The following NCF4 variants were observed in gnomAD, a reference collection of about 807,000 sequenced individuals.
NCF4 encodes the protein neutrophil cytosol factor 4.
NCF4 carries 30 observed loss-of-function variants against 41.7 expected under a neutral mutation model. The observed-to-expected ratio is 0.72, with a 90% CI of 0.54 to 0.97. The LOEUF (loss-of-function observed/expected upper bound fraction) is 0.97. NCF4 is among the 50% of genes least tolerant of loss of function. The probability of loss-of-function intolerance (pLI) is 0.00; values close to 1 mark genes in which losing one functional copy is unlikely to be tolerated. For synonymous variants in NCF4, 195 were observed against 175.8 expected, an observed-to-expected ratio of 1.11 and a Z score of -0.87; for missense variants, 432 against 460.9, an observed-to-expected ratio of 0.94 and a Z score of 0.57.
chr22:36,863,459 C>T (rs1458796148), intron 1 of NCF4, among the ~76,000 whole-genome samples: 1 of 150,478 alleles, frequency 6.6e-6, no homozygotes, highest in Non-Finnish European at 1.5e-5. Context: ...CCTCAGCCCC[C>T]ACCACCCCAG....
Position 36,864,034 on chromosome 22 carries a change from CCTTCGCACAGTGA to C in NCF4, c.33-7_38del. The C allele has an allele frequency of 6.2e-7, 1 of 1,613,316 alleles. No homozygotes were observed. The highest frequency in any genetic ancestry group is 8.5e-7 in the Non-Finnish European group (1 of 1,179,250). On this transcript the variant is annotated splice_acceptor_variant and splice_polypyrimidine_tract_variant and coding_sequence_variant and intron_variant, in exon 2 of 10. Coordinates refer to ENST00000248899, the MANE Select transcript of NCF4 (RefSeq NM_000631.5). LOFTEE classifies it high-confidence loss of function. ...TGATAAGCAGGATCTCTTTTCCCCT[CCTTCGCACAGTGA>C]CTTTGAACAGCTTCCGGATGATGTT...
At chr22:36,874,621 T>C (rs572922583) in intron 7 of NCF4, among the ~76,000 whole-genome samples, 2 of 152,342 alleles carry the variant, frequency 1.3e-5, no homozygotes, top group African/African-American at 4.8e-5. Flanking sequence ...GGCTAACTTC[T>C]GGCCTCAGGT....
chr22:36,863,463 AC>A (rs1427111778), intron 1 of NCF4, among the ~76,000 whole-genome samples: 1 of 145,708 alleles, frequency 6.9e-6, no homozygotes, highest in African/African-American at 2.6e-5. Flanking sequence ...AGCCCCCACC[AC>A]CCCAGGGAAA....
chr22:36,872,915 G>A (rs1490395930), intron 7 of NCF4, among the ~76,000 whole-genome samples: 1 of 149,726 alleles, frequency 6.7e-6, no homozygotes, highest in Non-Finnish European at 1.5e-5. Context: ...GGTGAGGGTG[G>A]AGGTGAGACT....
In NCF4 at chr22:36,871,710, G is replaced by GT. The variant is rs1357749829; in HGVS notation, c.528+2dup. On this transcript the variant is annotated splice_donor_variant, in intron 6 of 9. Coordinates refer to ENST00000248899, the MANE Select transcript of NCF4 (RefSeq NM_000631.5). LOFTEE classifies it high-confidence loss of function. ...CCGCATGGCAGCTCCGAGAGCAGAG[G>GT]TAACCCCCGCCCCCACGCTGGCCAG... The GT allele has an allele frequency of 6.4e-7, 1 of 1,562,042 alleles. No homozygotes were observed.
In NCF4 at chr22:36,872,434, A is replaced by G. The variant is rs1434570334; in HGVS notation, c.627+9A>G. The G allele has an allele frequency of 6.3e-7, 1 of 1,582,282 alleles. No individual in the cohort carries two copies. Among genetic ancestry groups the G allele is most frequent in the African/African-American group, 1.3e-5 (1 of 74,280 alleles). On this transcript the variant is annotated intron_variant, in intron 7 of 9. Coordinates refer to ENST00000248899, the MANE Select transcript of NCF4 (RefSeq NM_000631.5). Reference sequence around the variant, plus strand: ...ACAAAGACTGGCTGGAGGTGAGTTCAGAAGTGAGGATGGAGGTGAGATTGA... The same window carrying G: ...ACAAAGACTGGCTGGAGGTGAGTTCGGAAGTGAGGATGGAGGTGAGATTGA...
chr22:36,875,144 T>G (rs370918542), intron 7 of NCF4, among the ~76,000 whole-genome samples: 1 of 152,162 alleles, frequency 6.6e-6, no homozygotes, highest in Non-Finnish European at 1.5e-5. Flanking sequence ...ATTCTCCTGC[T>G]TCCGCCTCCC....
At chr22:36,877,110 C>T (rs908784895) in intron 9 of NCF4, among the ~76,000 whole-genome samples, 10 of 152,106 alleles carry the variant, frequency 6.6e-5, no homozygotes, top group African/African-American at 2.4e-4. Flanking sequence ...CAGGCTGTGC[C>T]ACTAATTTCC....
At position 36,877,948 on chromosome 22, in the gene NCF4, G is replaced by A. The variant is rs1301233051; in HGVS notation, c.*125G>A. ...CTGTCTTTGAGGCTAATGGACCCGT[G>A]GGGCTTGTAATCTGTCTCTTTCTAC... is the stretch of plus-strand genomic sequence containing the variant. On this transcript the variant is annotated 3_prime_UTR_variant, in exon 10 of 10. Coordinates refer to ENST00000248899, the MANE Select transcript of NCF4 (RefSeq NM_000631.5). The A allele has an allele frequency of 1.1e-5, 10 of 920,748 alleles. No individual in the cohort carries two copies. In the East Asian group the frequency reaches 2.6e-4, roughly 24 times the overall value. The allele number at this position is 920,748 out of a possible 1,614,324, so 57.0% of individuals were successfully genotyped here.
rs36118061 is a variant in NCF4, at chr22:36,861,891, A to C, written c.32+688A>C. 2.8e-3 allele frequency among the ~76,000 whole-genome samples: 430 copies of C among 152,272 alleles called. 2 individuals are homozygous for C. Among genetic ancestry groups the C allele is most frequent in the African/African-American group, 9.8e-3 (407 of 41,536 alleles). ...GAATGAATGAATAAATGAATGAATG[A>C]ATGGGTGGATCTTTGAGACGGAAAA... On this transcript the variant is annotated intron_variant, in intron 1 of 9. Transcript: ENST00000248899.
Position 36,870,552 on chromosome 22 carries a change from C to G in NCF4, c.470+10C>G, listed in dbSNP as rs777593574. ...CGCGCACCCGGAAAGTGTAAGTGAC[C>G]AGCCCCTGGGCTTCCACATGGCCAG... On this transcript the variant is annotated intron_variant, in intron 5 of 9. Coordinates refer to ENST00000248899, the MANE Select transcript of NCF4 (RefSeq NM_000631.5). The G allele has an allele frequency of 6.2e-7, 1 of 1,610,200 alleles. No individual in the cohort carries two copies. Among genetic ancestry groups the G allele is most frequent in the South Asian group, 1.1e-5 (1 of 91,080 alleles).
intron 7 of NCF4, among the ~76,000 whole-genome samples, chr22:36,872,946 GATTGGAGGTGA>G: frequency 7.8e-6 from 1 of 127,976 alleles, no homozygotes; most frequent in African/African-American, 4.1e-5. Flanking sequence ...ATGGAGGTGA[GATTGGAGGTGA>G]GATTGGAGGT....
At chr22:36,862,457 C>T (rs762470401) in intron 1 of NCF4, among the ~76,000 whole-genome samples, 12 of 152,186 alleles carry the variant, frequency 7.9e-5, no homozygotes, top group Non-Finnish European at 1.5e-4. Context: ...CACGCAAACT[C>T]GAATCTTCCG....
intron 6 of NCF4, 27 bp downstream of exon 6, chr22:36,871,736 G>A: frequency 6.4e-7 from 1 of 1,551,984 alleles, no homozygotes; most frequent in East Asian, 2.4e-5. Context: ...CGCTGGCCAG[G>A]CTCTCACACT....
At chr22:36,868,778 T>A (rs1939988046) in intron 4 of NCF4, among the ~76,000 whole-genome samples, 1 of 152,184 alleles carries the variant, frequency 6.6e-6, no homozygotes, top group Non-Finnish European at 1.5e-5. Flanking sequence ...TCTCTGCCTC[T>A]TTGTGTCCAA....
intron 7 of NCF4, among the ~76,000 whole-genome samples, chr22:36,875,120 G>T (rs1359642107): frequency 6.6e-6 from 1 of 152,010 alleles, no homozygotes; most frequent in East Asian, 1.9e-4. Flanking sequence ...ACCTCCACCT[G>T]CCAGGTTCAA....
In NCF4 at chr22:36,875,754, C is replaced by A. The variant is rs761570088; in HGVS notation, c.729C>A (p.Tyr243Ter). Residue 243 changes from tyrosine to a stop codon, truncating the protein, a stop_gained, in exon 8 of 10, where the codon TAC becomes TAA. Transcript: ENST00000248899. LOFTEE classifies it high-confidence loss of function. Reference sequence around the variant, plus strand: ...ACCCCACCAACTGGCTGCGTTGCTACTACTACGAAGACACCATCAGCACCA... The same window carrying A: ...ACCCCACCAACTGGCTGCGTTGCTAATACTACGAAGACACCATCAGCACCA... ...EDDPTNWLRCYYYEDTISTIK... is the reference protein window; with the variant it reads ...EDDPTNWLRC The A allele has an allele frequency of 5.6e-6, 9 of 1,614,160 alleles. No homozygotes were observed. The East Asian group carries it at 2.0e-4, about 36-fold the overall frequency.
chr22:36,869,194 T>C (rs1301904701), intron 4 of NCF4, among the ~76,000 whole-genome samples: 2 of 152,202 alleles, frequency 1.3e-5, no homozygotes, highest in East Asian at 3.8e-4. Context: ...GGGTTTGAGC[T>C]CTTACCCACT....
At chr22:36,867,606 G>A in intron 4 of NCF4, 144 bp downstream of exon 4, 2 of 864,152 alleles carry the variant, frequency 2.3e-6, no homozygotes, top group East Asian at 2.6e-5. Flanking sequence ...CTAAAGGCCT[G>A]GTCTGGGGAG....
Sources: gnomAD v4.1 joint callset for allele counts (sites outside exome capture counted in the v4.1 genomes callset) on GRCh38, gnomAD v4.1.1 for gene constraint, MANE v1.5 for transcripts, NCBI Gene and HGNC (gene_info 2026-07-23, HGNC 2026-07-21) for gene names.